The following FBXO34 variants were observed in gnomAD, a reference collection of about 807,000 sequenced individuals.
The protein encoded by FBXO34 is F-box protein 34, also known as F-box only protein 34.
Under a neutral mutation model 24.5 loss-of-function variants are expected in FBXO34, and 12 were observed. The ratio of observed to expected loss-of-function variants is 0.49; its 90% CI spans 0.31 to 0.79. The LOEUF (loss-of-function observed/expected upper bound fraction) is 0.79, where lower values mean the gene tolerates loss of function less well. Among genes scored for constraint, FBXO34 ranks in the 30% least tolerant of loss-of-function variants. The pLI is 0.04. For missense variants in FBXO34, 823 were observed against 857.7 expected (o/e 0.96, Z 0.51); for synonymous variants, 320 against 311.9 (o/e 1.03, Z -0.27).
chr14:55,440,642 C>A, the FBXO34 span: 4 of 1,336,616 alleles, frequency 3.0e-6, no homozygotes, highest in African/African-American at 4.5e-5. Context: ...GAGCGGGATG[C>A]GGAACCCAGC....
intron 1 of FBXO34, among the ~76,000 whole-genome samples, chr14:55,304,402 C>T (rs374896221): frequency 3.2e-4 from 49 of 151,950 alleles, no homozygotes; most frequent in South Asian, 2.5e-3. Context: ...CTATGTTGCC[C>T]GGGCTGGTAT....
the FBXO34 span, among the ~76,000 whole-genome samples, chr14:55,403,866 T>A: frequency 6.6e-6 from 1 of 152,248 alleles, no homozygotes. Context: ...ATTTCAAATG[T>A]CATATTTACA....
chr14:55,363,114 CT>C (rs758945179), downstream of FBXO34, among the ~76,000 whole-genome samples: 27 of 148,870 alleles, frequency 1.8e-4, no homozygotes, highest in Non-Finnish European at 3.4e-4. Context: ...CCTCTGCCTT[CT>C]GGTTTCAAGC....
At chr14:55,417,751 A>T in the FBXO34 span, among the ~76,000 whole-genome samples, 3 of 152,102 alleles carry the variant, frequency 2.0e-5, no homozygotes, top group Non-Finnish European at 4.4e-5. Flanking sequence ...CTTGCCTTTT[A>T]AGCAAAACTT....
chr14:55,306,353 T>G (rs1882544277), intron 1 of FBXO34, among the ~76,000 whole-genome samples: 1 of 152,246 alleles, frequency 6.6e-6, no homozygotes, highest in Non-Finnish European at 1.5e-5. Flanking sequence ...TGCACTTCTA[T>G]TGTTTGTGAA....
At chr14:55,401,054 A>C in the FBXO34 span, among the ~76,000 whole-genome samples, 1 of 152,078 alleles carries the variant, frequency 6.6e-6, no homozygotes, top group Non-Finnish European at 1.5e-5. Flanking sequence ...CACCAACAGC[A>C]CCTGTTTTCT....
chr14:55,313,794 GAT>G (rs1157924044), intron 1 of FBXO34, among the ~76,000 whole-genome samples: 1 of 152,176 alleles, frequency 6.6e-6, no homozygotes, highest in Non-Finnish European at 1.5e-5. Flanking sequence ...CCCCCACCAT[GAT>G]TCATTTACCT....
At chr14:55,349,214 G>A (rs11851169) in intron 1 of FBXO34, among the ~76,000 whole-genome samples, 59,831 of 151,502 alleles carry the variant, frequency 0.39, 12,098 homozygotes, top group Non-Finnish European at 0.43. Context: ...TAACATTTCA[G>A]CTGAGACCGA....
chr14:55,284,374 G>A (rs904758280), intron 1 of FBXO34, among the ~76,000 whole-genome samples: 18 of 151,824 alleles, frequency 1.2e-4, no homozygotes, highest in African/African-American at 4.1e-4. Context: ...TTAGCCGGGC[G>A]TGGTGGTACA....
chr14:55,340,033 C>A (rs1883937163), intron 1 of FBXO34, among the ~76,000 whole-genome samples: 1 of 152,176 alleles, frequency 6.6e-6, no homozygotes, highest in South Asian at 2.1e-4. Flanking sequence ...CTTGCCAAGT[C>A]TTTTGTCTAC....
the FBXO34 span, among the ~76,000 whole-genome samples, chr14:55,394,627 C>A: frequency 2.0e-5 from 3 of 152,162 alleles, no homozygotes; most frequent in African/African-American, 4.8e-5. Context: ...GAAAACAGGA[C>A]TACCACGACC....
the FBXO34 span, among the ~76,000 whole-genome samples, chr14:55,379,489 G>T: frequency 6.6e-6 from 1 of 152,138 alleles, no homozygotes; most frequent in Non-Finnish European, 1.5e-5. Context: ...AGGTTGCAAT[G>T]AGCTAAAATC....
rs141301097 is a variant in FBXO34, at chr14:55,273,187, CCTCT to C, written c.-11+1656_-11+1659del. On this transcript the variant is annotated intron_variant, in intron 1 of 1. Transcript: ENST00000313833. ...TGTAATGGTACGGTTTTTTTTTTTT[CCTCT>C]CTCTCAATACTTCCTGCTCCCCATT... Among the ~76,000 whole-genome samples the C allele has an allele frequency of 8.7e-3, 1,290 of 148,102 alleles. 22 individuals carry two copies. Among genetic ancestry groups the C allele is most frequent in the African/African-American group, 0.031 (1,234 of 40,436 alleles).
chr14:55,348,592 C>T (rs1335953255), intron 1 of FBXO34, among the ~76,000 whole-genome samples: 1 of 151,834 alleles, frequency 6.6e-6, no homozygotes, highest in African/African-American at 2.4e-5. Flanking sequence ...TGGTCCCAAA[C>T]TCCTGGCCTC....
At chr14:55,334,395 A>G (rs959511215) in intron 1 of FBXO34, among the ~76,000 whole-genome samples, 3 of 152,202 alleles carry the variant, frequency 2.0e-5, no homozygotes, top group African/African-American at 7.2e-5. Flanking sequence ...CCTGTGATGG[A>G]CACAGAAAAG....
chr14:55,324,748 T>C (rs1883284244), intron 1 of FBXO34, among the ~76,000 whole-genome samples: 1 of 152,238 alleles, frequency 6.6e-6, no homozygotes, highest in Admixed American at 6.5e-5. Context: ...AAAGAAGTTT[T>C]CCTCTATCCC....
At chr14:55,277,628 A>G (rs1371128501) in intron 1 of FBXO34, among the ~76,000 whole-genome samples, 1 of 152,204 alleles carries the variant, frequency 6.6e-6, no homozygotes, top group African/African-American at 2.4e-5. Flanking sequence ...AGTAACTGGC[A>G]TGTACCACGG....
intron 1 of FBXO34, among the ~76,000 whole-genome samples, chr14:55,342,126 A>C (rs921323673): frequency 1.3e-5 from 2 of 152,188 alleles, no homozygotes; most frequent in African/African-American, 4.8e-5. Context: ...TGTTCTGGAT[A>C]CTTTGTTGTC....
In FBXO34 at chr14:55,351,856, A is replaced by G; in HGVS notation, c.1466A>G (p.Gln489Arg). 6.2e-7 allele frequency: 1 copy of G among 1,614,168 alleles called. No homozygotes were observed. Among genetic ancestry groups the G allele is most frequent in the Non-Finnish European group, 8.5e-7 (1 of 1,180,024 alleles). Reference sequence around the variant, plus strand: ...ATGTTGTTTTTTTTGCCACCTGGTCAGCACTTGTCAGACTATTCCCAGTTG... The same window carrying G: ...ATGTTGTTTTTTTTGCCACCTGGTCGGCACTTGTCAGACTATTCCCAGTTG... ...PGMLFFLPPG[Q>R]HLSDYSQLNE... The change falls in exon 2 of 2, where the codon CAG becomes CGG. Residue 489 changes from glutamine (Q) to arginine (R), a missense_variant. Physicochemically the swap from Gln to Arg is conservative, Grantham distance 43 (BLOSUM62 1). Coordinates refer to ENST00000313833, the MANE Select transcript of FBXO34 (RefSeq NM_017943.4).
Sources: gnomAD v4.1 joint callset for allele counts (sites outside exome capture counted in the v4.1 genomes callset) on GRCh38, gnomAD v4.1.1 for gene constraint, MANE v1.5 for transcripts, NCBI Gene and HGNC (gene_info 2026-07-23, HGNC 2026-07-21) for gene names.